Variants in FUBP1 observed in about 807,000 individuals in gnomAD.
The protein encoded by FUBP1 is far upstream element-binding protein 1.
In FUBP1, 16 loss-of-function variants were observed where a neutral mutation model predicts 94.9. The ratio of observed to expected loss-of-function variants is 0.17; its 90% confidence interval spans 0.11 to 0.26. FUBP1 has a LOEUF of 0.26. Ranked by LOEUF, FUBP1 falls within the 10% of genes least tolerant of loss-of-function variation. FUBP1 has a pLI of 1.00. For synonymous variants in FUBP1, 279 were observed against 254.9 expected, an observed-to-expected ratio of 1.09 and a Z score of -0.90; for missense variants, 583 against 808.6, an observed-to-expected ratio of 0.72 and a Z score of 3.38.
chr1:77,965,941 C>T (rs570959145), intron 7 of FUBP1, among the ~76,000 whole-genome samples: 131 of 152,264 alleles, frequency 8.6e-4, no homozygotes, highest in South Asian at 2.5e-3. Context: ...CCCAGCTACT[C>T]GGGAGGCGGA....
chr1:77,978,332 TG>T (rs1409543858), intron 1 of FUBP1, among the ~76,000 whole-genome samples: 8 of 152,160 alleles, frequency 5.3e-5, no homozygotes, highest in Admixed American at 3.9e-4. Context: ...GGCGGACTGG[TG>T]GAACAGACTG....
chr1:77,949,065 T>G, intron 19 of FUBP1, 90 bp downstream of exon 19: 1 of 1,270,802 alleles, frequency 7.9e-7, no homozygotes, highest in South Asian at 1.3e-5. Flanking sequence ...AGATAAAAAT[T>G]TAAAAGGCAA....
rs201408558 is a variant in FUBP1 at position 77,973,863 on chromosome 1, A to T, written c.121-3848T>A. Among the ~76,000 whole-genome samples, 5 of 152,218 alleles carry T rather than the reference A, an allele frequency of 3.3e-5. No individual in the cohort carries two copies. The East Asian group carries it at 9.6e-4, about 29-fold the overall frequency. On this transcript the variant is annotated intron_variant, in intron 1 of 19. Coordinates refer to ENST00000370768, the MANE Select transcript of FUBP1 (RefSeq NM_003902.5). The stretch of plus-strand genomic sequence containing the variant: ...ATAGCATATTGGTTTAATTTTTTTT[A>T]AATTTGCCCTTCTTGTCCAGTAATA...
chr1:77,970,274 A>C (rs1473067927), intron 1 of FUBP1, among the ~76,000 whole-genome samples: 1 of 152,066 alleles, frequency 6.6e-6, no homozygotes, highest in East Asian at 1.9e-4. Flanking sequence ...AGGAATCCGG[A>C]AGAGAGACCA....
At chr1:77,976,923 C>T (rs1485303642) in intron 1 of FUBP1, among the ~76,000 whole-genome samples, 1 of 152,210 alleles carries the variant, frequency 6.6e-6, no homozygotes, top group Non-Finnish European at 1.5e-5. Flanking sequence ...TGGGTCCTTG[C>T]CATTCCCTCA....
At chr1:77,975,177 G>A (rs1284714782) in intron 1 of FUBP1, among the ~76,000 whole-genome samples, 1 of 152,194 alleles carries the variant, frequency 6.6e-6, no homozygotes, top group Non-Finnish European at 1.5e-5. Context: ...GGTCTGACTT[G>A]TACTGTAATT....
At chr1:77,961,564 G>A (rs2102360772) in intron 14 of FUBP1, among the ~76,000 whole-genome samples, 1 of 152,196 alleles carries the variant, frequency 6.6e-6, no homozygotes, top group South Asian at 2.1e-4. Context: ...TCATTTTACA[G>A]GAGGAAACCA....
chr1:77,961,540 A>C (rs1571288300), intron 14 of FUBP1, among the ~76,000 whole-genome samples: 1 of 152,224 alleles, frequency 6.6e-6, no homozygotes, highest in African/African-American at 2.4e-5. Flanking sequence ...TCTATGAAGT[A>C]GATACCATTA....
chr1:77,960,062 G>A, intron 16 of FUBP1, 122 bp downstream of exon 16: 1 of 714,796 alleles, frequency 1.4e-6, no homozygotes, highest in Non-Finnish European at 2.4e-6. Flanking sequence ...GCCTAACACT[G>A]TTGAAAGAGT....
At chr1:77,977,896 T>C (rs576952334) in intron 1 of FUBP1, among the ~76,000 whole-genome samples, 21 of 152,314 alleles carry the variant, frequency 1.4e-4, no homozygotes, top group African/African-American at 3.8e-4. Context: ...CCTTCAACTG[T>C]CCCGGTAAAA....
In FUBP1 at chr1:77,969,936, A is replaced by G; in HGVS notation, c.200T>C (p.Leu67Ser). The change falls in exon 2 of 20, where the codon TTA becomes TCA. Residue 67 changes from leucine to serine, a missense_variant. Coordinates refer to ENST00000370768, the MANE Select transcript of FUBP1 (RefSeq NM_003902.5). ...DYGYGGQKRP[L>S]EDGDQPDAKK... is the part of the protein sequence containing the mutation. ...AGAGTATAACTTACCTCCATCTTCTAAAGGTCTTTTTTGTCCCCCATAACC... is the reference window on the plus strand; with the variant it reads ...AGAGTATAACTTACCTCCATCTTCTGAAGGTCTTTTTTGTCCCCCATAACC... The G allele has an allele frequency of 6.6e-7, 1 of 1,512,350 alleles. No homozygotes were observed. 93.7% of individuals were successfully genotyped at this position (1,512,350 alleles called of 1,614,324 possible).
At chr1:77,967,470 A>T (rs1315127065) in intron 4 of FUBP1, among the ~76,000 whole-genome samples, 157 bp downstream of exon 4, 1 of 152,172 alleles carries the variant, frequency 6.6e-6, no homozygotes, top group Non-Finnish European at 1.5e-5. Flanking sequence ...CAAAAGAAAA[A>T]TCATCACTTT....
chr1:77,954,485 G>C (rs183488015), intron 18 of FUBP1, among the ~76,000 whole-genome samples: 2 of 152,194 alleles, frequency 1.3e-5, no homozygotes, highest in East Asian at 3.9e-4. Context: ...TTATCATCAG[G>C]TATATGTAAT....
chr1:77,971,560 A>G (rs972025091), intron 1 of FUBP1, among the ~76,000 whole-genome samples: 2 of 152,220 alleles, frequency 1.3e-5, no homozygotes, highest in African/African-American at 2.4e-5. Flanking sequence ...CATAAATTCA[A>G]CATGGATCAC....
In FUBP1 at chr1:77,966,918, T is replaced by G; in HGVS notation, c.381A>C (p.Gln127His). The G allele has an allele frequency of 6.2e-7, 1 of 1,607,756 alleles. No homozygotes were observed. The highest frequency in any genetic ancestry group is 8.5e-7 in the Non-Finnish European group (1 of 1,174,496). ...GRGGEQISRI[Q>H]QESGCKIQIA... Reference sequence around the variant, plus strand: ...TCTGTATTTTGCATCCAGATTCCTGTTGTATGCGTGAGATCTGTTCACCTC... The same window carrying G: ...TCTGTATTTTGCATCCAGATTCCTGGTGTATGCGTGAGATCTGTTCACCTC... The change falls in exon 6 of 20, where the codon CAA becomes CAC. Residue 127 changes from glutamine (Q) to histidine (H), a missense_variant. By Grantham distance (24) the Gln-to-His change is conservative. Transcript: ENST00000370768.
intron 1 of FUBP1, among the ~76,000 whole-genome samples, chr1:77,974,061 G>C (rs1208629084): frequency 1.1e-4 from 16 of 151,212 alleles, no homozygotes; most frequent in Admixed American, 1.1e-3. Context: ...CCAAGTTCAA[G>C]CAATCCTCCC....
chr1:77,963,754 G>C, intron 12 of FUBP1, 39 bp from the exon 13 acceptor site: 1 of 1,533,804 alleles, frequency 6.5e-7, no homozygotes, highest in Non-Finnish European at 8.8e-7. Flanking sequence ...AGTCAGCACA[G>C]AAATACTTTT....
intron 1 of FUBP1, among the ~76,000 whole-genome samples, chr1:77,975,442 A>G (rs970364090): frequency 6.6e-6 from 1 of 152,212 alleles, no homozygotes; most frequent in Admixed American, 6.5e-5. Flanking sequence ...TCTAGTCTAT[A>G]TTTTCATTTC....
chr1:77,947,094 C>A lies in FUBP1; in HGVS notation c.*1672G>T, dbSNP rs17382996. 0.032 allele frequency: 6,646 copies of A among 205,500 alleles called. 171 individuals are homozygous for A. Among genetic ancestry groups the A allele is most frequent in the Non-Finnish European group, 0.04 (4,051 of 100,420 alleles). The allele number at this position is 205,500 out of a possible 1,614,324, so 12.7% of individuals were successfully genotyped here. A position where few individuals can be genotyped will look rare whatever the true frequency, so the allele number is the denominator to read the frequency against. On this transcript the variant is annotated 3_prime_UTR_variant, in exon 20 of 20. Transcript: ENST00000370768. The stretch of plus-strand genomic sequence containing the variant: ...TTGCTCATTATTTGCAAACTGAAAT[C>A]CCCTTCTGTCTGATACATTTCAAGA...
Sources: allele counts gnomAD v4.1 joint callset (sites outside exome capture counted in the v4.1 genomes callset), GRCh38; gene constraint gnomAD v4.1.1; transcripts MANE v1.5; gene names NCBI Gene and HGNC (gene_info 2026-07-23, HGNC 2026-07-21).